DPP4: variants seen among roughly 807,000 people sequenced by gnomAD.
DPP4 encodes dipeptidyl peptidase 4.
DPP4 carries 93 observed loss-of-function variants against 122.4 expected under a neutral mutation model. That is an observed-to-expected ratio of 0.76 (90% CI 0.64 to 0.90). The LOEUF (loss-of-function observed/expected upper bound fraction) is 0.90, where lower values mean the gene tolerates loss of function less well. Ranked by LOEUF, DPP4 falls within the 40% of genes least tolerant of loss-of-function variation. DPP4 has a pLI of 0.00. For missense variants in DPP4, 914 were observed against 907.3 expected, an observed-to-expected ratio of 1.01 and a Z score of -0.09; for synonymous variants, 321 against 302.9, an observed-to-expected ratio of 1.06 and a Z score of -0.62.
chr2:162,025,256 G>A (rs1243361592), intron 10 of DPP4, among the ~76,000 whole-genome samples: 1 of 152,090 alleles, frequency 6.6e-6, no homozygotes, highest in Non-Finnish European at 1.5e-5. Flanking sequence ...GGTAATGCCA[G>A]GGAGTCAAGG....
chr2:162,027,950 T>C (rs552574491), intron 10 of DPP4, among the ~76,000 whole-genome samples: 5 of 152,158 alleles, frequency 3.3e-5, no homozygotes, highest in African/African-American at 1.2e-4. Context: ...GCAAGGCAGT[T>C]CACCCGTGGC....
At position 162,011,929 on chromosome 2, in the gene DPP4, A is replaced by C; in HGVS notation, c.1696T>G (p.Tyr566Asp). The stretch of plus-strand genomic sequence containing the variant: ...ATAATGTTTTCTGTGCTTGCAAGGT[A>C]AGTGGCCCAGTTCAGTCTGAAGACA... ...DTVFRLNWAT[Y>D]LASTENIIVA... Residue 566 changes from tyrosine to aspartate, a missense_variant, in exon 20 of 26, where the codon TAC becomes GAC. Tyr to Asp is a radical substitution (Grantham distance 160). Transcript: ENST00000360534. 1 of 1,613,766 alleles carries C rather than the reference A, an allele frequency of 6.2e-7. No individual in the cohort carries two copies. Among genetic ancestry groups the C allele is most frequent in the Non-Finnish European group, 8.5e-7 (1 of 1,179,724 alleles).
intron 2 of DPP4, among the ~76,000 whole-genome samples, chr2:162,061,205 C>A (rs1238995631): frequency 6.6e-6 from 1 of 152,138 alleles, no homozygotes; most frequent in Non-Finnish European, 1.5e-5. Flanking sequence ...CTGTGCCCAG[C>A]TGCATCTTCA....
At chr2:162,025,145 A>G (rs1683278987) in intron 10 of DPP4, among the ~76,000 whole-genome samples, 1 of 152,230 alleles carries the variant, frequency 6.6e-6, no homozygotes, top group Admixed American at 6.5e-5. Flanking sequence ...GAAAATTAAA[A>G]TATATCCAAC....
At chr2:162,063,444 G>T (rs981116009) in intron 2 of DPP4, among the ~76,000 whole-genome samples, 5 of 152,074 alleles carry the variant, frequency 3.3e-5, no homozygotes, top group Non-Finnish European at 2.9e-5. Context: ...AAAGGTCTTA[G>T]GATGGAGCCC....
intron 2 of DPP4, among the ~76,000 whole-genome samples, chr2:162,071,575 G>T (rs543383806): frequency 6.6e-6 from 1 of 152,172 alleles, no homozygotes; most frequent in Non-Finnish European, 1.5e-5. Flanking sequence ...CCGGGAGGGG[G>T]AGACTTTCCC....
intron 2 of DPP4, among the ~76,000 whole-genome samples, chr2:162,069,865 A>G (rs1181324357): frequency 6.6e-6 from 1 of 152,122 alleles, no homozygotes; most frequent in Non-Finnish European, 1.5e-5. Context: ...TTTCCTTTCC[A>G]CCGAAAGAAG....
At chr2:162,069,224 T>A (rs1196407145) in intron 2 of DPP4, among the ~76,000 whole-genome samples, 2 of 152,140 alleles carry the variant, frequency 1.3e-5, no homozygotes, top group Non-Finnish European at 1.5e-5. Context: ...GTTCTAAGGA[T>A]TAAATGAAAA....
intron 9 of DPP4, among the ~76,000 whole-genome samples, chr2:162,034,079 G>A (rs983654574): frequency 1.3e-5 from 2 of 151,780 alleles, no homozygotes; most frequent in Non-Finnish European, 2.9e-5. Context: ...AGAACACCTT[G>A]GGTTCTGCCA....
chr2:162,027,507 C>T (rs1416665531), intron 10 of DPP4, among the ~76,000 whole-genome samples: 1 of 152,066 alleles, frequency 6.6e-6, no homozygotes, highest in Admixed American at 6.6e-5. Context: ...TCTGATGAAA[C>T]TGATGTACCT....
intron 19 of DPP4, among the ~76,000 whole-genome samples, chr2:162,012,503 T>C (rs1443851703): frequency 6.6e-6 from 1 of 152,144 alleles, no homozygotes; most frequent in African/African-American, 2.4e-5. Context: ...CATTGTGGAA[T>C]GGACTGCAGT....
chr2:162,024,645 G>A (rs1019292269), intron 11 of DPP4, among the ~76,000 whole-genome samples, 159 bp downstream of exon 11: 1 of 152,146 alleles, frequency 6.6e-6, no homozygotes, highest in Non-Finnish European at 1.5e-5. Context: ...GGTTATCTAG[G>A]AGTTTTATTC....
At chr2:162,045,123 C>T (rs1000165910) in intron 5 of DPP4, among the ~76,000 whole-genome samples, 5 of 151,840 alleles carry the variant, frequency 3.3e-5, no homozygotes, top group Admixed American at 6.6e-5. Context: ...CCACCATGCC[C>T]GACTTTAACT....
rs1270616529 is a variant in DPP4, at chr2:162,014,483, T to C, written c.1568-18A>G. The C allele has an allele frequency of 1.9e-6, 3 of 1,581,726 alleles. No homozygotes were observed. The highest frequency in any genetic ancestry group is 2.7e-5 in the African/African-American group (2 of 73,638). ...CCAAAATTCTAAACAAACAGAAAGA[T>C]TAATTAGTGAGGTAAGAAAAATTAT... On this transcript the variant is annotated intron_variant, in intron 18 of 25. Coordinates refer to ENST00000360534, the MANE Select transcript of DPP4 (RefSeq NM_001935.4).
chr2:162,039,241 A>G (rs1683902286), intron 5 of DPP4, 57 bp from the exon 6 acceptor site: 2 of 1,351,978 alleles, frequency 1.5e-6, no homozygotes, highest in Admixed American at 1.8e-5. Context: ...TTGGCCACTC[A>G]CTATAGGAGA....
intron 10 of DPP4, among the ~76,000 whole-genome samples, chr2:162,027,508 T>G (rs1305673277): frequency 6.6e-6 from 1 of 152,146 alleles, no homozygotes; most frequent in African/African-American, 2.4e-5. Flanking sequence ...CTGATGAAAC[T>G]GATGTACCTC....
chr2:162,072,682 A>C (rs1394223517), intron 2 of DPP4, among the ~76,000 whole-genome samples: 1 of 152,242 alleles, frequency 6.6e-6, no homozygotes, highest in Non-Finnish European at 1.5e-5. Flanking sequence ...ACTTGCTTGC[A>C]TCCTACAGTG....
chr2:162,021,387 A>C (rs1332310711), intron 12 of DPP4: 1 of 152,254 alleles, frequency 6.6e-6, no homozygotes, highest in Non-Finnish European at 1.5e-5. Context: ...AACATAATGC[A>C]GTTTAAGTAG....
In DPP4 at chr2:162,011,890, C is replaced by T; in HGVS notation, c.1735G>A (p.Asp579Asn). The change falls in exon 20 of 26, where the codon GAT becomes AAT. Residue 579 changes from aspartate to asparagine, a missense_variant. Transcript: ENST00000360534. ...STENIIVASF[D>N]GRGSGYQGDK... ...CCTTGGTAACCACTTCCTCTGCCAT[C>T]AAAGCTAGCTACTATAATGTTTTCT... The T allele has an allele frequency of 6.2e-7, 1 of 1,613,804 alleles. No homozygotes were observed. Among genetic ancestry groups the T allele is most frequent in the South Asian group, 1.1e-5 (1 of 91,060 alleles).
Sources: gnomAD v4.1 joint callset for allele counts (sites outside exome capture counted in the v4.1 genomes callset) on GRCh38, gnomAD v4.1.1 for gene constraint, MANE v1.5 for transcripts, NCBI Gene and HGNC (gene_info 2026-07-23, HGNC 2026-07-21) for gene names.